XRCC4: variants seen among roughly 807,000 people sequenced by gnomAD.
XRCC4 encodes the protein DNA repair protein XRCC4.
A neutral mutation model predicts 39.1 loss-of-function variants in XRCC4; 28 were observed. The observed-to-expected ratio is 0.72, with a 90% CI of 0.53 to 0.98. The LOEUF (loss-of-function observed/expected upper bound fraction) is 0.98. Ranked by LOEUF, XRCC4 falls within the 50% of genes least tolerant of loss-of-function variation. The pLI is 0.00. For synonymous variants in XRCC4, 123 were observed against 126.4 expected (o/e 0.97, Z 0.18); for missense variants, 350 against 376.4 (o/e 0.93, Z 0.58).
At chr5:83,258,751 G>A in intron 7 of XRCC4, 74 bp downstream of exon 7, 1 of 1,499,906 alleles carries the variant, frequency 6.7e-7, no homozygotes, top group Non-Finnish European at 9.0e-7. Flanking sequence ...TAAAAATTAT[G>A]TTTTCATTTT....
At chr5:83,270,113 C>T (rs2112926904) in intron 7 of XRCC4, among the ~76,000 whole-genome samples, 1 of 152,228 alleles carries the variant, frequency 6.6e-6, no homozygotes, top group Middle Eastern at 3.4e-3. Context: ...GCCTCGCATG[C>T]ACAGTTCACA....
intron 7 of XRCC4, among the ~76,000 whole-genome samples, chr5:83,327,078 T>C (rs374344321): frequency 2.0e-4 from 31 of 152,238 alleles, no homozygotes; most frequent in African/African-American, 5.5e-4. Context: ...TGAAGTGTAA[T>C]TAACATAAAG....
At chr5:83,252,517 G>A (rs762232939) in intron 6 of XRCC4, among the ~76,000 whole-genome samples, 2 of 151,556 alleles carry the variant, frequency 1.3e-5, no homozygotes, top group African/African-American at 2.4e-5. Context: ...TATTAATTTG[G>A]TCTTTCGTTG....
intron 7 of XRCC4, among the ~76,000 whole-genome samples, chr5:83,272,096 C>T (rs1043774874): frequency 1.3e-5 from 2 of 152,182 alleles, no homozygotes; most frequent in African/African-American, 4.8e-5. Context: ...GTAAGACCTA[C>T]AATTAAAACT....
At chr5:83,094,817 C>T (rs1375266888) in intron 1 of XRCC4, among the ~76,000 whole-genome samples, 1 of 150,848 alleles carries the variant, frequency 6.6e-6, no homozygotes, top group Non-Finnish European at 1.5e-5. Context: ...TCCTGAGTTG[C>T]TGGAACTACA....
At chr5:83,365,566 G>A in the XRCC4 span, among the ~76,000 whole-genome samples, 2 of 152,094 alleles carry the variant, frequency 1.3e-5, no homozygotes, top group Non-Finnish European at 1.5e-5. Flanking sequence ...ACAGCCCTTC[G>A]TGAAAGCTGA....
chr5:83,306,510 C>CTTAAGA (rs10641870), intron 7 of XRCC4, among the ~76,000 whole-genome samples: 4 of 151,818 alleles, frequency 2.6e-5, no homozygotes, highest in African/African-American at 9.6e-5. Context: ...ATACTTTTCC[C>CTTAAGA]AAGAATGACT....
intron 7 of XRCC4, among the ~76,000 whole-genome samples, chr5:83,321,759 A>G (rs28360312): frequency 0.033 from 4,961 of 152,090 alleles, 231 homozygotes; most frequent in African/African-American, 0.1. Flanking sequence ...AGATAAGATC[A>G]TAATTGCAAA....
chr5:83,268,807 C>G (rs1325830816), intron 7 of XRCC4, among the ~76,000 whole-genome samples: 5 of 152,028 alleles, frequency 3.3e-5, no homozygotes, highest in African/African-American at 1.2e-4. Flanking sequence ...ATATGATGTT[C>G]TAGAAATTTC....
At chr5:83,291,606 TG>T (rs1580471972) in intron 7 of XRCC4, among the ~76,000 whole-genome samples, 1 of 151,902 alleles carries the variant, frequency 6.6e-6, no homozygotes, top group East Asian at 1.9e-4. Flanking sequence ...ACACTTCATC[TG>T]CTTTTGTGCC....
the XRCC4 span, among the ~76,000 whole-genome samples, chr5:83,362,190 C>G: frequency 6.8e-6 from 1 of 146,972 alleles, no homozygotes; most frequent in Non-Finnish European, 1.5e-5. Flanking sequence ...ATTGACCTAT[C>G]TAGTGAAGTA....
At chr5:83,352,975 T>C (rs113851126) in intron 7 of XRCC4, 156 bp from the exon 8 acceptor site, 6 of 556,088 alleles carry the variant, frequency 1.1e-5, no homozygotes, top group Non-Finnish European at 1.5e-5. Context: ...TCTCTTTATC[T>C]CTTTCCTTAT....
chr5:83,120,048 A>C (rs374150486), intron 3 of XRCC4, among the ~76,000 whole-genome samples: 1 of 145,994 alleles, frequency 6.8e-6, no homozygotes, highest in Non-Finnish European at 1.5e-5. Context: ...CAAACAAAAT[A>C]AAAAACCAGA....
At chr5:83,354,846 C>G, downstream of XRCC4, among the ~76,000 whole-genome samples, 1 of 152,152 alleles carries the variant, frequency 6.6e-6, no homozygotes, top group African/African-American at 2.4e-5. Context: ...TGTCTCTCTA[C>G]TGCAGCTGCT....
intron 3 of XRCC4, among the ~76,000 whole-genome samples, chr5:83,161,420 C>T (rs907937131): frequency 6.6e-6 from 1 of 152,140 alleles, no homozygotes; most frequent in African/African-American, 2.4e-5. Flanking sequence ...GTGTGAGCCA[C>T]CACGACCGGC....
chr5:83,368,831 T>A, the XRCC4 span, among the ~76,000 whole-genome samples: 2 of 152,194 alleles, frequency 1.3e-5, no homozygotes, highest in South Asian at 4.1e-4. Flanking sequence ...AATAGCCTTT[T>A]GACAAGGCAG....
chr5:83,112,934 C>T (rs28745306), intron 3 of XRCC4, among the ~76,000 whole-genome samples: 9,793 of 152,104 alleles, frequency 0.064, 1,021 homozygotes, highest in East Asian at 0.48. Context: ...CATATCATTC[C>T]GCCCAGCCCC....
At chr5:83,284,651 A>G (rs981418107) in intron 7 of XRCC4, among the ~76,000 whole-genome samples, 14 of 152,102 alleles carry the variant, frequency 9.2e-5, no homozygotes, top group African/African-American at 3.4e-4. Flanking sequence ...TGATTTGTAA[A>G]CAATCAATTT....
intron 7 of XRCC4, among the ~76,000 whole-genome samples, chr5:83,272,583 C>T (rs967894207): frequency 6.6e-5 from 10 of 151,948 alleles, no homozygotes; most frequent in African/African-American, 2.4e-4. Context: ...CTTCTTTCCC[C>T]CCACCCCACG....
Sources: allele counts gnomAD v4.1 joint callset (sites outside exome capture counted in the v4.1 genomes callset), GRCh38; gene constraint gnomAD v4.1.1; transcripts MANE v1.5; gene names NCBI Gene and HGNC (gene_info 2026-07-23, HGNC 2026-07-21).